Variants in SLC14A2 observed in about 807,000 individuals in gnomAD.
SLC14A2 encodes the protein urea transporter 2.
A neutral mutation model predicts 104.6 loss-of-function variants in SLC14A2; 91 were observed. The ratio of observed to expected loss-of-function variants is 0.87; its 90% CI spans 0.73 to 1.04. The LOEUF (loss-of-function observed/expected upper bound fraction) is 1.04, where lower values mean the gene tolerates loss of function less well. Ranked by LOEUF, SLC14A2 falls within the 50% of genes least tolerant of loss-of-function variation. The pLI is 0.00. For missense variants in SLC14A2, 1,189 were observed against 1,156.0 expected, an observed-to-expected ratio of 1.03 and a Z score of -0.41; for synonymous variants, 476 against 466.4, an observed-to-expected ratio of 1.02 and a Z score of -0.27.
At chr18:45,427,644 T>C (rs2086453528) in intron 1 of SLC14A2, among the ~76,000 whole-genome samples, 2 of 152,304 alleles carry the variant, frequency 1.3e-5, no homozygotes, top group African/African-American at 4.8e-5. Flanking sequence ...TGTTTGTTTC[T>C]ATAGGTTGGA....
At chr18:45,243,882 C>T (rs2084342522) in intron 1 of SLC14A2, among the ~76,000 whole-genome samples, 2 of 152,282 alleles carry the variant, frequency 1.3e-5, no homozygotes, top group South Asian at 4.2e-4. Flanking sequence ...TTTTGGCATC[C>T]CAGGTATGTC....
At chr18:45,280,167 T>G (rs1044390012) in intron 1 of SLC14A2, among the ~76,000 whole-genome samples, 2 of 152,158 alleles carry the variant, frequency 1.3e-5, no homozygotes, top group African/African-American at 4.8e-5. Flanking sequence ...ACACAACTAA[T>G]GAGAGGCAGA....
intron 2 of SLC14A2, among the ~76,000 whole-genome samples, chr18:45,495,432 G>C (rs903905419): frequency 2.0e-5 from 3 of 152,168 alleles, no homozygotes; most frequent in African/African-American, 7.2e-5. Context: ...TCACTTGACT[G>C]GTCCCTAGTC....
At chr18:45,171,189 C>G in the SLC14A2 span, among the ~76,000 whole-genome samples, 1 of 152,156 alleles carries the variant, frequency 6.6e-6, no homozygotes, top group Admixed American at 6.5e-5. Context: ...ATGAAACATA[C>G]TTGCACAAAA....
At chr18:45,641,156 G>C in intron 7 of SLC14A2, 53 bp from the exon 8 acceptor site, 1 of 1,598,606 alleles carries the variant, frequency 6.3e-7, no homozygotes, top group South Asian at 1.1e-5. Context: ...TCCCAGGGTG[G>C]TCTTTGTTCT....
the SLC14A2 span, among the ~76,000 whole-genome samples, chr18:45,207,705 G>A: frequency 2.0e-5 from 3 of 152,050 alleles, no homozygotes; most frequent in Admixed American, 2.0e-4. Flanking sequence ...GTTAGAGATG[G>A]GTCATAGAGC....
At chr18:45,513,565 A>G (rs891974788) in intron 2 of SLC14A2, among the ~76,000 whole-genome samples, 2 of 152,226 alleles carry the variant, frequency 1.3e-5, no homozygotes, top group South Asian at 2.1e-4. Flanking sequence ...GAAGTTGACT[A>G]TGATACATAG....
chr18:45,328,899 C>T (rs575610039), intron 1 of SLC14A2, among the ~76,000 whole-genome samples: 6 of 152,332 alleles, frequency 3.9e-5, no homozygotes, highest in Admixed American at 1.3e-4. Context: ...TTGCGAATCC[C>T]GCCCTAGATT....
chr18:45,649,876 T>C (rs982865905), intron 10 of SLC14A2, among the ~76,000 whole-genome samples: 1 of 152,282 alleles, frequency 6.6e-6, no homozygotes, highest in Non-Finnish European at 1.5e-5. Context: ...TGACAGTTAG[T>C]TGTCCTTTCT....
At chr18:45,280,747 CT>C (rs1246594965) in intron 1 of SLC14A2, among the ~76,000 whole-genome samples, 1 of 152,164 alleles carries the variant, frequency 6.6e-6, no homozygotes, top group Non-Finnish European at 1.5e-5. Context: ...AATAAAAGTG[CT>C]GAGAAGTGAT....
At chr18:45,626,662 T>C (rs1051898151) in intron 3 of SLC14A2, among the ~76,000 whole-genome samples, 3 of 143,012 alleles carry the variant, frequency 2.1e-5, no homozygotes, top group Non-Finnish European at 4.6e-5. Context: ...CTCCCGGGGC[T>C]TCTTTTCCAA....
chr18:45,229,041 T>G (rs967865103), intron 1 of SLC14A2, among the ~76,000 whole-genome samples: 1 of 152,202 alleles, frequency 6.6e-6, no homozygotes, highest in Non-Finnish European at 1.5e-5. Flanking sequence ...CTCCAACTTT[T>G]AGAAAGACTG....
chr18:45,497,767 G>A (rs2043125011), intron 2 of SLC14A2, among the ~76,000 whole-genome samples: 1 of 152,174 alleles, frequency 6.6e-6, no homozygotes, highest in Non-Finnish European at 1.5e-5. Flanking sequence ...AGTAGAATGG[G>A]GTGGTCACTA....
intron 2 of SLC14A2, among the ~76,000 whole-genome samples, chr18:45,523,630 C>T (rs2144814369): frequency 6.6e-6 from 1 of 151,952 alleles, no homozygotes; most frequent in East Asian, 1.9e-4. Flanking sequence ...CCACCACACC[C>T]AGCCACTAGT....
intron 10 of SLC14A2, among the ~76,000 whole-genome samples, chr18:45,662,582 G>C (rs2045952583): frequency 6.6e-6 from 1 of 152,166 alleles, no homozygotes; most frequent in Non-Finnish European, 1.5e-5. Context: ...AAAATGCAGA[G>C]AAAAGGATTG....
intron 1 of SLC14A2, among the ~76,000 whole-genome samples, chr18:45,258,250 C>G (rs576273971): frequency 8.6e-6 from 1 of 115,862 alleles, no homozygotes; most frequent in South Asian, 2.8e-4. Context: ...CCCATCCCTC[C>G]TTTCTGTGAT....
intron 1 of SLC14A2, among the ~76,000 whole-genome samples, chr18:45,238,676 GTAGA>G (rs1277970830): frequency 6.6e-6 from 1 of 152,204 alleles, no homozygotes; most frequent in Non-Finnish European, 1.5e-5. Flanking sequence ...GCATAGATAG[GTAGA>G]TAGATAATAA....
intron 2 of SLC14A2, among the ~76,000 whole-genome samples, chr18:45,509,925 G>A (rs1005850464): frequency 6.6e-6 from 1 of 152,170 alleles, no homozygotes; most frequent in Admixed American, 6.5e-5. Flanking sequence ...ACCTTGGAGA[G>A]GATCCCATCC....
chr18:45,546,685 C>T (rs2043975115), intron 2 of SLC14A2, among the ~76,000 whole-genome samples: 1 of 152,154 alleles, frequency 6.6e-6, no homozygotes, highest in Non-Finnish European at 1.5e-5. Flanking sequence ...TAGTTGTTAA[C>T]CTTGGGCATT....
Sources: allele counts gnomAD v4.1 joint callset (sites outside exome capture counted in the v4.1 genomes callset), GRCh38; gene constraint gnomAD v4.1.1; transcripts MANE v1.5; gene names NCBI Gene and HGNC (gene_info 2026-07-23, HGNC 2026-07-21).